The following CASD1 variants were observed in gnomAD, a reference collection of about 807,000 sequenced individuals.
CASD1 encodes the protein N-acetylneuraminate (7)9-O-acetyltransferase.
In CASD1, 41 loss-of-function variants were observed where a neutral mutation model predicts 100.0. That is an observed-to-expected ratio of 0.41 (90% CI 0.32 to 0.53). The LOEUF (loss-of-function observed/expected upper bound fraction) is 0.53, where lower values mean the gene tolerates loss of function less well. Among genes scored for constraint, CASD1 ranks in the 20% least tolerant of loss-of-function variants. The pLI, the probability that CASD1 is intolerant of heterozygous loss-of-function variation, is 0.25. For missense variants in CASD1, 774 were observed against 948.7 expected (o/e 0.82, Z 2.42); for synonymous variants, 321 against 315.6 (o/e 1.02, Z -0.18).
At chr7:94,588,896 G>C in the CASD1 span, 1 of 693,982 alleles carries the variant, frequency 1.4e-6, no homozygotes, top group Admixed American at 2.5e-5. Flanking sequence ...AGGAAACTGA[G>C]GTCTGAGGAG....
At chr7:94,555,045 G>T (rs1401875050) in intron 17 of CASD1, among the ~76,000 whole-genome samples, 2 of 151,950 alleles carry the variant, frequency 1.3e-5, no homozygotes, top group Non-Finnish European at 2.9e-5. Flanking sequence ...ATTACATTTT[G>T]TGTAAGATAC....
chr7:94,510,346 T>C, intron 1 of CASD1, 129 bp downstream of exon 1: 1 of 613,990 alleles, frequency 1.6e-6, no homozygotes, highest in African/African-American at 2.0e-5. Flanking sequence ...GGGGAGGCGG[T>C]TCCCCCAGGT....
rs1425507938 is a variant in CASD1, at chr7:94,518,191, T to C, written c.231-12T>C. 7.4e-6 allele frequency: 11 copies of C among 1,486,282 alleles called. No individual in the cohort carries two copies. The highest frequency in any genetic ancestry group is 8.0e-6 in the Non-Finnish European group (9 of 1,121,574). 92.1% of individuals were successfully genotyped at this position (1,486,282 alleles called of 1,614,324 possible). On this transcript the variant is annotated splice_polypyrimidine_tract_variant and intron_variant, in intron 2 of 17. Coordinates refer to ENST00000297273, the MANE Select transcript of CASD1 (RefSeq NM_022900.5). ...TTACTTATTTTAATTAATTTTTCTT[T>C]GTTGCTTTCAGTGAAGCAAAGAACT... is the stretch of plus-strand genomic sequence containing the variant.
At chr7:94,530,037 G>C (rs1056048159) in intron 5 of CASD1, among the ~76,000 whole-genome samples, 3 of 152,066 alleles carry the variant, frequency 2.0e-5, no homozygotes, top group Admixed American at 2.0e-4. Flanking sequence ...ACTGGTTAAC[G>C]TTATAGAGAT....
Position 94,544,432 on chromosome 7 carries a change from A to G in CASD1, c.1378A>G (p.Ile460Val). Residue 460 changes from isoleucine (I) to valine (V), a missense_variant, in exon 11 of 18, where the codon ATT (isoleucine) becomes GTT (valine). Coordinates refer to ENST00000297273, the MANE Select transcript of CASD1 (RefSeq NM_022900.5). ...ACAGTTTTTGCCTGTATACATGCAC[A>G]TTCGAGTTCTGGTTGCTGCATATTT... ...ASTFLPVYMH[I>V]RVLVAAYLFQ... 1 of 1,613,278 alleles carries G rather than the reference A, an allele frequency of 6.2e-7. No homozygotes were observed. Among genetic ancestry groups the G allele is most frequent in the East Asian group, 2.2e-5 (1 of 44,746 alleles).
intron 10 of CASD1, among the ~76,000 whole-genome samples, chr7:94,541,451 A>G (rs1002451411): frequency 6.6e-6 from 1 of 151,028 alleles, no homozygotes; most frequent in African/African-American, 2.4e-5. Flanking sequence ...AGTATAATAT[A>G]TATGAAATAT....
chr7:94,530,096 T>C (rs978642099), intron 5 of CASD1, among the ~76,000 whole-genome samples: 1 of 152,116 alleles, frequency 6.6e-6, no homozygotes, highest in Admixed American at 6.5e-5. Context: ...ACTTAAGCAA[T>C]GTGACAAGTG....
At chr7:94,561,258 A>G (rs1252183994), downstream of CASD1, among the ~76,000 whole-genome samples, 1 of 152,130 alleles carries the variant, frequency 6.6e-6, no homozygotes, top group Non-Finnish European at 1.5e-5. Flanking sequence ...AAAAAAAATT[A>G]ATATCCTGGG....
chr7:94,609,405 T>C, the CASD1 span, among the ~76,000 whole-genome samples: 1 of 152,164 alleles, frequency 6.6e-6, no homozygotes, highest in African/African-American at 2.4e-5. Flanking sequence ...CATGCTTCTA[T>C]AGTCCCAGCT....
At chr7:94,618,137 A>C in the CASD1 span, 1 of 152,290 alleles carries the variant, frequency 6.6e-6, no homozygotes, top group Non-Finnish European at 1.5e-5. Flanking sequence ...ACAGCTTCAG[A>C]ACTGACAAAT....
chr7:94,599,087 G>A, the CASD1 span: 1 of 676,668 alleles, frequency 1.5e-6, no homozygotes, highest in Non-Finnish European at 2.5e-6. Context: ...TGGCACTTTG[G>A]GCATTCAATA....
chr7:94,531,557 GAA>G (rs2116301261), intron 5 of CASD1, among the ~76,000 whole-genome samples: 1 of 151,926 alleles, frequency 6.6e-6, no homozygotes, highest in East Asian at 1.9e-4. Flanking sequence ...TAGGGATGAG[GAA>G]AAAATATTTA....
the CASD1 span, chr7:94,588,475 C>T: frequency 1.5e-6 from 2 of 1,375,444 alleles, no homozygotes; most frequent in Non-Finnish European, 9.4e-7. Context: ...GATGCTTTTG[C>T]TCTAAGATCA....
chr7:94,622,761 C>A, the CASD1 span: 1 of 152,056 alleles, frequency 6.6e-6, no homozygotes, highest in Non-Finnish European at 1.5e-5. Context: ...AAATCACTTA[C>A]AATTTGAGCA....
chr7:94,582,401 G>A, the CASD1 span, among the ~76,000 whole-genome samples: 1 of 152,144 alleles, frequency 6.6e-6, no homozygotes, highest in Non-Finnish European at 1.5e-5. Flanking sequence ...GCAATTACAG[G>A]CGTGAGCCAC....
intron 3 of CASD1, among the ~76,000 whole-genome samples, chr7:94,526,575 G>C (rs773466607): frequency 6.6e-6 from 1 of 152,200 alleles, no homozygotes; most frequent in Non-Finnish European, 1.5e-5. Flanking sequence ...GATCACTTGA[G>C]CCCAGGAGTT....
chr7:94,555,510 C>T lies in CASD1; in HGVS notation c.2146C>T (p.His716Tyr). The change falls in exon 18 of 18, where the codon CAC (histidine) becomes TAC (tyrosine). Residue 716 changes from histidine (H) to tyrosine (Y), a missense_variant. This residue lies in a region of CASD1 where 175 missense variants were observed against 206.9 expected (regional missense o/e 0.85). Transcript: ENST00000297273. ...ISLELFICQY[H>Y]IWLAADTRGI... ...CTCCTAGCTATTTATTTGCCAGTAT[C>T]ACATATGGCTGGCAGCGGACACAAG... 1 of 1,612,700 alleles carries T rather than the reference C, an allele frequency of 6.2e-7. No individual in the cohort carries two copies. Among genetic ancestry groups the T allele is most frequent in the Non-Finnish European group, 8.5e-7 (1 of 1,179,228 alleles).
intron 3 of CASD1, among the ~76,000 whole-genome samples, chr7:94,522,896 C>T (rs1324585344): frequency 1.3e-5 from 2 of 152,060 alleles, no homozygotes; most frequent in Admixed American, 6.6e-5. Context: ...CTCCTGACCT[C>T]GTGATCCACC....
In CASD1 at chr7:94,537,507, G is replaced by A. The variant is rs762238726; in HGVS notation, c.879G>A (p.Lys293=). Residue 293 remains lysine (K), a synonymous_variant, in exon 9 of 18, where the codon AAG becomes AAA. Transcript: ENST00000297273. ...AMILMNVYCN[K]ILKPVDGSCC... ...TTCTTATGAATGTGTATTGCAATAA[G>A]ATTTTGAAGCCTGTAGATGGGTCCT... 1.2e-6 allele frequency: 2 copies of A among 1,611,516 alleles called. No homozygotes were observed. The highest frequency in any genetic ancestry group is 1.1e-5 in the South Asian group (1 of 90,840).
Sources: allele counts gnomAD v4.1 joint callset (sites outside exome capture counted in the v4.1 genomes callset), GRCh38; gene constraint gnomAD v4.1.1; regional missense constraint gnomAD v4.1.1; transcripts MANE v1.5; gene names NCBI Gene and HGNC (gene_info 2026-07-23, HGNC 2026-07-21).